SUSD2: variants seen among roughly 807,000 people sequenced by gnomAD.
SUSD2 encodes sushi domain-containing protein 2.
SUSD2 carries 86 observed loss-of-function variants against 93.8 expected under a neutral mutation model. The ratio of observed to expected loss-of-function variants is 0.92; its 90% CI spans 0.77 to 1.10. The LOEUF (loss-of-function observed/expected upper bound fraction) is 1.10. SUSD2 is among the 50% of genes least tolerant of loss of function. SUSD2 has a pLI of 0.00. For missense variants in SUSD2, 1,060 were observed against 1,137.0 expected (o/e 0.93, Z 0.97); for synonymous variants, 483 against 485.0 (o/e 1.00, Z 0.05).
Position 24,181,506 on chromosome 22 carries a change from A to T in SUSD2, c.-14A>T, listed in dbSNP as rs780598790. 6.4e-7 allele frequency: 1 copy of T among 1,558,606 alleles called. No individual in the cohort carries two copies. Among genetic ancestry groups the T allele is most frequent in the Middle Eastern group, 1.7e-4 (1 of 5,816 alleles). On this transcript the variant is annotated 5_prime_UTR_variant, in exon 1 of 15. Coordinates refer to ENST00000358321, the MANE Select transcript of SUSD2 (RefSeq NM_019601.4). ...GGAGCCACTGCACTGCTGGCTGCAG[A>T]CACAGGCTGCACCATGAAGCCAGCC...
At position 24,185,764 on chromosome 22, in the gene SUSD2, T is replaced by C; in HGVS notation, c.1174T>C (p.Trp392Arg). ...GGSTPDRGHDWGAPPFRTPPR... is the reference protein window; with the variant it reads ...GGSTPDRGHDRGAPPFRTPPR... ...CAGCACTCCCGACCGCGGCCATGAC[T>C]GGGGCGCACCCCCGTTCCGCACGCC... The change falls in exon 8 of 15, where the codon TGG becomes CGG. Residue 392 changes from tryptophan to arginine, a missense_variant. Trp to Arg is a moderately radical substitution (Grantham distance 101). This residue lies in a region of SUSD2 where 973 missense variants were observed against 1,005.3 expected (regional missense o/e 0.97). Transcript: ENST00000358321. The C allele has an allele frequency of 1.2e-6, 2 of 1,609,848 alleles. No homozygotes were observed. The highest frequency in any genetic ancestry group is 1.7e-6 in the Non-Finnish European group (2 of 1,178,834).
At chr22:24,182,291 T>G (rs1471742110) in intron 1 of SUSD2, among the ~76,000 whole-genome samples, 1 of 152,142 alleles carries the variant, frequency 6.6e-6, no homozygotes, top group Non-Finnish European at 1.5e-5. Flanking sequence ...TGCCAGCCCC[T>G]GGAAATATGG....
intron 10 of SUSD2, chr22:24,186,817 A>G: frequency 5.0e-6 from 2 of 400,234 alleles, no homozygotes; most frequent in Admixed American, 3.8e-5. Context: ...CCCTTGCCTC[A>G]GGGAACTGAG....
At chr22:24,183,418 G>A in intron 2 of SUSD2, 77 bp from the exon 3 acceptor site, 1 of 1,561,924 alleles carries the variant, frequency 6.4e-7, no homozygotes, top group Non-Finnish European at 8.7e-7. Context: ...GGGTTCCCCA[G>A]GGAGGTTGGG....
chr22:24,183,326 G>A, intron 2 of SUSD2, 59 bp downstream of exon 2: 2 of 1,560,122 alleles, frequency 1.3e-6, no homozygotes, highest in Non-Finnish European at 8.8e-7. Context: ...TGTGCATGCT[G>A]AGGGCTCAGA....
intron 1 of SUSD2, among the ~76,000 whole-genome samples, chr22:24,181,865 A>G (rs1407297462): frequency 2.0e-5 from 3 of 152,148 alleles, no homozygotes; most frequent in Admixed American, 6.5e-5. Context: ...CCCAGCCCTG[A>G]CAGGGCGGGA....
At position 24,188,063 on chromosome 22, in the gene SUSD2, C is replaced by T. The variant is rs5760243; in HGVS notation, c.2269C>T (p.Leu757=). The part of the protein sequence containing the change: ...IYFHCDNGYS[L]AGAETSTCQA... ...CTTCCACTGTGACAACGGCTACAGCCTGGCCGGGGCAGAGACCAGCACCTG... is the reference window on the plus strand; with the variant it reads ...CTTCCACTGTGACAACGGCTACAGCTTGGCCGGGGCAGAGACCAGCACCTG... The change falls in exon 13 of 15, where the codon CTG becomes TTG. Residue 757 remains leucine, a synonymous_variant. Coordinates refer to ENST00000358321, the MANE Select transcript of SUSD2 (RefSeq NM_019601.4). This position sits in a 1 kb window ranked among gnomAD's most constrained non-coding sequence, Gnocchi z 4.7. 1.2e-6 allele frequency: 2 copies of T among 1,612,768 alleles called. No homozygotes were observed. The highest frequency in any genetic ancestry group is 2.7e-5 in the African/African-American group (2 of 74,898).
chr22:24,186,200 AG>A, intron 9 of SUSD2, 41 bp downstream of exon 9: 1 of 1,609,628 alleles, frequency 6.2e-7, no homozygotes, highest in Non-Finnish European at 8.5e-7. Flanking sequence ...GGCATGGGGT[AG>A]AACCAAGGTG....
chr22:24,184,820 CCA>C lies in SUSD2; in HGVS notation c.669_670del (p.Ile224ProfsTer56), dbSNP rs768762798. ...AAGTGGTCGTACCTGTACCCCCTGG[CCA>C]CACACATCCCCAACTCCGGCTCTTT... On this transcript the variant is annotated frameshift_variant, in exon 5 of 15. Transcript: ENST00000358321. LOFTEE classifies it high-confidence loss of function. 2 of 1,613,628 alleles carry C rather than the reference CCA, an allele frequency of 1.2e-6. No individual in the cohort carries two copies. Among genetic ancestry groups the C allele is most frequent in the South Asian group, 2.2e-5 (2 of 91,034 alleles).
intron 10 of SUSD2, 147 bp from the exon 11 acceptor site, chr22:24,187,055 C>A: frequency 9.5e-7 from 1 of 1,051,588 alleles, no homozygotes; most frequent in Non-Finnish European, 1.4e-6. Flanking sequence ...GGGTCATGGT[C>A]AGCAGAATTG....
chr22:24,183,419 G>A, intron 2 of SUSD2, 76 bp from the exon 3 acceptor site: 1 of 1,562,266 alleles, frequency 6.4e-7, no homozygotes, highest in Non-Finnish European at 8.7e-7. Context: ...GGTTCCCCAG[G>A]GAGGTTGGGG....
At chr22:24,185,970 G>A in intron 8 of SUSD2, 41 bp downstream of exon 8, 1 of 1,576,502 alleles carries the variant, frequency 6.3e-7, no homozygotes, top group Non-Finnish European at 8.6e-7. Context: ...GAAAGATCGG[G>A]CTGGGCTGGG....
chr22:24,185,300 GCCT>G lies in SUSD2; in HGVS notation c.984+8_984+10del. On this transcript the variant is annotated splice_donor_region_variant and intron_variant, in intron 6 of 14. Coordinates refer to ENST00000358321, the MANE Select transcript of SUSD2 (RefSeq NM_019601.4). ...GCTGACTCCGGCCGCTTCTTCGTGA[GCCT>G]CCCATCAGGGCCCAGGAGAGGGGAT... The G allele has an allele frequency of 6.2e-7, 1 of 1,602,564 alleles. No individual in the cohort carries two copies. Among genetic ancestry groups the G allele is most frequent in the Non-Finnish European group, 8.5e-7 (1 of 1,179,364 alleles).
intron 4 of SUSD2, among the ~76,000 whole-genome samples, chr22:24,184,516 C>T (rs1180122240): frequency 6.6e-6 from 1 of 151,958 alleles, no homozygotes; most frequent in Non-Finnish European, 1.5e-5. Flanking sequence ...GGCCTGGCTC[C>T]AGGGGAGGAG....
In SUSD2 at chr22:24,181,614, C is replaced by T. The variant is rs2047326442; in HGVS notation, c.76+19C>T. ...ACAGCAGGTATGCCTCCCTGCCCTT[C>T]TGTGTCCCCGTCTGTCTGTCCATCT... On this transcript the variant is annotated intron_variant, in intron 1 of 14. Coordinates refer to ENST00000358321, the MANE Select transcript of SUSD2 (RefSeq NM_019601.4). 2 of 1,567,696 alleles carry T rather than the reference C, an allele frequency of 1.3e-6. No individual in the cohort carries two copies. Among genetic ancestry groups the T allele is most frequent in the Non-Finnish European group, 1.7e-6 (2 of 1,155,216 alleles).
In SUSD2 at chr22:24,186,339, C is replaced by T. The variant is rs769214643; in HGVS notation, c.1566C>T (p.Asn522=). 2.5e-6 allele frequency: 4 copies of T among 1,613,984 alleles called. No homozygotes were observed. The South Asian group carries it at 3.3e-5, about 13-fold the overall frequency. ...ATGTGGTGGAAGTCAGGCTGGCCAACAGGACCGGAGGTCTGGAGGTGCTGC... is the reference window on the plus strand; with the variant it reads ...ATGTGGTGGAAGTCAGGCTGGCCAATAGGACCGGAGGTCTGGAGGTGCTGC... The part of the protein sequence containing the change: ...NSDVVEVRLA[N]RTGGLEVLLN... The change falls in exon 10 of 15, where the codon AAC becomes AAT. Residue 522 remains asparagine (N), a synonymous_variant. Transcript: ENST00000358321.
Position 24,184,826 on chromosome 22 carries a change from AC to A in SUSD2, c.669del (p.His223GlnfsTer55). The A allele has an allele frequency of 6.2e-7, 1 of 1,613,870 alleles. No homozygotes were observed. Among genetic ancestry groups the A allele is most frequent in the African/African-American group, 1.3e-5 (1 of 75,014 alleles). On this transcript the variant is annotated frameshift_variant, in exon 5 of 15. Coordinates refer to ENST00000358321, the MANE Select transcript of SUSD2 (RefSeq NM_019601.4). LOFTEE classifies it high-confidence loss of function. ...KWSYLYPLAT[H>X]IPNSGSFTFT... is the part of the protein sequence containing the mutation. ...TCGTACCTGTACCCCCTGGCCACAC[AC>A]ATCCCCAACTCCGGCTCTTTCACTT...
intron 1 of SUSD2, 54 bp downstream of exon 1, chr22:24,181,649 C>A: frequency 7.1e-7 from 1 of 1,400,268 alleles, no homozygotes. Flanking sequence ...TGTCTGCAGC[C>A]AGGCCTGGGC....
In SUSD2 at chr22:24,188,752, A is replaced by C; in HGVS notation, c.*316A>C. On this transcript the variant is annotated 3_prime_UTR_variant, in exon 15 of 15. Coordinates refer to ENST00000358321, the MANE Select transcript of SUSD2 (RefSeq NM_019601.4). This position sits in a 1 kb window ranked among gnomAD's most constrained non-coding sequence, Gnocchi z 4.7. Reference sequence around the variant, plus strand: ...CTCCCACACCTGAGCCTCAGATTCCAATAGCTCACTCCCTAGAGCCTGACG... The same window carrying C: ...CTCCCACACCTGAGCCTCAGATTCCCATAGCTCACTCCCTAGAGCCTGACG... 1 of 329,382 alleles carries C rather than the reference A, an allele frequency of 3.0e-6. No individual in the cohort carries two copies. Among genetic ancestry groups the C allele is most frequent in the Non-Finnish European group, 5.7e-6 (1 of 176,118 alleles). 20.4% of individuals were successfully genotyped at this position (329,382 alleles called of 1,614,324 possible). A position where few individuals can be genotyped will look rare whatever the true frequency, so the allele number is the denominator to read the frequency against.
Sources: gnomAD v4.1 joint callset for allele counts (sites outside exome capture counted in the v4.1 genomes callset) on GRCh38, gnomAD v4.1.1 for gene constraint, gnomAD v4.1.1 regional missense constraint, Gnocchi (gnomAD v3.1) non-coding constraint, MANE v1.5 for transcripts, NCBI Gene and HGNC (gene_info 2026-07-23, HGNC 2026-07-21) for gene names.